Variants in UROC1 observed in about 807,000 individuals in gnomAD.
The protein encoded by UROC1 is urocanate hydratase.
UROC1 carries 79 observed loss-of-function variants against 89.5 expected under a neutral mutation model. The observed-to-expected ratio is 0.88, with a 90% CI of 0.74 to 1.06. The LOEUF (loss-of-function observed/expected upper bound fraction) is 1.06. Ranked by LOEUF, UROC1 falls within the 50% of genes least tolerant of loss-of-function variation. The pLI is 0.00. For missense variants in UROC1, 885 were observed against 907.8 expected (o/e 0.97, Z 0.32); for synonymous variants, 361 against 354.8 (o/e 1.02, Z -0.20).
chr3:126,509,815 G>A, intron 2 of UROC1, 137 bp from the exon 3 acceptor site: 1 of 839,478 alleles, frequency 1.2e-6, no homozygotes, highest in Admixed American at 2.0e-5. Context: ...AACGTACAGT[G>A]GGGGCTCCAG....
At position 126,508,245 on chromosome 3, in the gene UROC1, C is replaced by T. The variant is rs1339889305; in HGVS notation, c.412-150G>A. The T allele has an allele frequency of 9.5e-6, 14 of 1,479,396 alleles. No homozygotes were observed. The Admixed American group carries it at 2.3e-4, about 24-fold the overall frequency. The allele number at this position is 1,479,396 out of a possible 1,614,324, so 91.6% of individuals were successfully genotyped here. ...CCTGGTGCCTCCCTCAACACCACCT[C>T]GCCCATTCCTATAACCTGAAATTTC... On this transcript the variant is annotated intron_variant, in intron 4 of 19. Coordinates refer to ENST00000290868, the MANE Select transcript of UROC1 (RefSeq NM_144639.3).
intron 14 of UROC1, among the ~76,000 whole-genome samples, chr3:126,496,416 T>A (rs1035339306): frequency 3.3e-5 from 5 of 152,188 alleles, no homozygotes; most frequent in African/African-American, 1.2e-4. Flanking sequence ...AAGACCGCTG[T>A]GGGCCGTGAG....
intron 19 of UROC1, 39 bp downstream of exon 19, chr3:126,483,330 C>T (rs1278560117): frequency 1.3e-6 from 2 of 1,585,078 alleles, no homozygotes; most frequent in East Asian, 4.5e-5. Flanking sequence ...CAGCTGAAGG[C>T]CCTGCCTTCA....
intron 4 of UROC1, 99 bp downstream of exon 4, chr3:126,508,317 G>T: frequency 7.2e-7 from 1 of 1,389,022 alleles, no homozygotes. Context: ...GGGAGGCAGA[G>T]GCCTGCATCC....
chr3:126,482,437 A>C lies in UROC1; in HGVS notation c.1939T>G (p.Cys647Gly). ...GTGCTGTTCTCCTGCATGGTCTGGCAGATGATCTCATAGGCCTTCTGGTTC... is the reference window on the plus strand; with the variant it reads ...GTGCTGTTCTCCTGCATGGTCTGGCCGATGATCTCATAGGCCTTCTGGTTC... ...SGNQKAYEII[C>G]QTMQENSTLV... The change falls in exon 20 of 20, where the codon TGC becomes GGC. Residue 647 changes from cysteine to glycine, a missense_variant. Cys to Gly is a radical substitution (Grantham distance 159). Transcript: ENST00000290868. The C allele has an allele frequency of 1.9e-6, 3 of 1,614,060 alleles. No individual in the cohort carries two copies. Among genetic ancestry groups the C allele is most frequent in the Non-Finnish European group, 2.5e-6 (3 of 1,180,012 alleles).
At chr3:126,494,997 A>G (rs1935745480) in intron 15 of UROC1, among the ~76,000 whole-genome samples, 1 of 152,132 alleles carries the variant, frequency 6.6e-6, no homozygotes, top group South Asian at 2.1e-4. Context: ...TGGCGCTCAG[A>G]GAGGCTGAAC....
At chr3:126,487,565 A>G (rs920621915) in intron 18 of UROC1, among the ~76,000 whole-genome samples, 2 of 152,000 alleles carry the variant, frequency 1.3e-5, no homozygotes, top group Non-Finnish European at 2.9e-5. Context: ...CAGTTTGGAG[A>G]TGGCCACTGG....
intron 18 of UROC1, among the ~76,000 whole-genome samples, chr3:126,486,851 T>C (rs1434107183): frequency 2.0e-5 from 3 of 152,116 alleles, no homozygotes; most frequent in Non-Finnish European, 2.9e-5. Flanking sequence ...GGAGTAGCCA[T>C]GGTTGAGGGA....
chr3:126,500,645 G>T (rs1359321212), intron 11 of UROC1, 50 bp downstream of exon 11: 7 of 1,609,298 alleles, frequency 4.3e-6, no homozygotes, highest in East Asian at 4.5e-5. Flanking sequence ...GCAGGACAAG[G>T]TGGTCTGCCC....
At position 126,496,105 on chromosome 3, in the gene UROC1, T is replaced by A; in HGVS notation, c.1442A>T (p.Lys481Met). 3 of 1,612,894 alleles carry A rather than the reference T, an allele frequency of 1.9e-6. No individual in the cohort carries two copies. The highest frequency in any genetic ancestry group is 2.5e-6 in the Non-Finnish European group (3 of 1,179,806). The change falls in exon 15 of 20, where the codon AAG becomes ATG. Residue 481 changes from lysine to methionine, a missense_variant. Lys to Met is a moderately conservative substitution (Grantham distance 95). Coordinates refer to ENST00000290868, the MANE Select transcript of UROC1 (RefSeq NM_144639.3). Reference sequence around the variant, plus strand: ...CATGTACTGCAGCTTCACAGACACCTTCACTGCAGGAGAGAGGACAGCAGG... The same window carrying A: ...CATGTACTGCAGCTTCACAGACACCATCACTGCAGGAGAGAGGACAGCAGG... ...VLEEAIADGV[K>M]VSVKLQYMDN... is the part of the protein sequence containing the mutation.
intron 15 of UROC1, among the ~76,000 whole-genome samples, chr3:126,494,431 G>A (rs550903978): frequency 8.5e-5 from 13 of 152,232 alleles, no homozygotes; most frequent in African/African-American, 2.2e-4. Flanking sequence ...TCCAGCCTCC[G>A]AGTCTTGGCC....
chr3:126,511,500 C>T (rs16837548), intron 1 of UROC1, among the ~76,000 whole-genome samples: 70,176 of 152,194 alleles, frequency 0.46, 18,649 homozygotes, highest in South Asian at 0.6. Flanking sequence ...GCCGCCGCCT[C>T]GGGGCTTGAC....
At chr3:126,501,335 C>T (rs1473873915) in intron 9 of UROC1, 55 bp from the exon 10 acceptor site, 1 of 1,600,196 alleles carries the variant, frequency 6.2e-7, no homozygotes, top group Non-Finnish European at 8.6e-7. Flanking sequence ...ATAGGTGCCC[C>T]AGACACACCT....
intron 8 of UROC1, among the ~76,000 whole-genome samples, chr3:126,505,342 G>A (rs1377062616): frequency 2.0e-5 from 3 of 152,146 alleles, no homozygotes; most frequent in Non-Finnish European, 4.4e-5. Flanking sequence ...GAGTCTATGA[G>A]TTCATTTATT....
At chr3:126,492,641 C>T (rs1935682009) in intron 15 of UROC1, 125 bp from the exon 16 acceptor site, 12 of 771,058 alleles carry the variant, frequency 1.6e-5, no homozygotes, top group Non-Finnish European at 2.7e-5. Context: ...GAGCGCCTAA[C>T]AAGGTCCAGG....
chr3:126,517,574 A>C lies in UROC1; in HGVS notation c.126+20T>G, dbSNP rs373958366. The C allele has an allele frequency of 4.3e-6, 7 of 1,611,992 alleles. No homozygotes were observed. The African/African-American group carries it at 9.4e-5, about 22-fold the overall frequency. On this transcript the variant is annotated intron_variant, in intron 1 of 19. Coordinates refer to ENST00000290868, the MANE Select transcript of UROC1 (RefSeq NM_144639.3). The stretch of plus-strand genomic sequence containing the variant: ...GATGCCTAGAGGCCAAGGCCTCGGG[A>C]GCACGGGCCCACTGCTTACCTGTTT...
At chr3:126,511,909 A>G (rs1037774751) in intron 1 of UROC1, among the ~76,000 whole-genome samples, 4 of 152,118 alleles carry the variant, frequency 2.6e-5, no homozygotes, top group African/African-American at 9.7e-5. Flanking sequence ...TGATTATTCT[A>G]TATCAAGGGT....
rs564101577 is a variant in UROC1, at chr3:126,509,566, C to T, written c.351+19G>A. 3 of 1,548,292 alleles carry T rather than the reference C, an allele frequency of 1.9e-6. No individual in the cohort carries two copies. Among genetic ancestry groups the T allele is most frequent in the African/African-American group, 2.7e-5 (2 of 73,004 alleles). The stretch of plus-strand genomic sequence containing the variant: ...GTTTCTGCTGGACAGTGCTGGGCCT[C>T]GGTTTCCCTGGCTATTACCTGGGCC... On this transcript the variant is annotated intron_variant, in intron 3 of 19. Transcript: ENST00000290868.
chr3:126,502,805 CTGTGTATG>C (rs552930902), intron 9 of UROC1, among the ~76,000 whole-genome samples: 47 of 149,902 alleles, frequency 3.1e-4, no homozygotes, highest in Non-Finnish European at 5.6e-4. Context: ...GCTGTGTTCT[CTGTGTATG>C]TGTGCTTATG....
Sources: allele counts gnomAD v4.1 joint callset (sites outside exome capture counted in the v4.1 genomes callset), GRCh38; gene constraint gnomAD v4.1.1; transcripts MANE v1.5; gene names NCBI Gene and HGNC (gene_info 2026-07-23, HGNC 2026-07-21).